The following SUPV3L1 variants were observed in gnomAD, a reference collection of about 807,000 sequenced individuals.
SUPV3L1 encodes ATP-dependent RNA helicase SUPV3L1, mitochondrial.
SUPV3L1 carries 35 observed loss-of-function variants against 70.0 expected under a neutral mutation model. The observed-to-expected ratio is 0.50, with a 90% CI of 0.38 to 0.66. SUPV3L1 has a LOEUF of 0.66. Ranked by LOEUF, SUPV3L1 falls within the 30% of genes least tolerant of loss-of-function variation. The pLI, the probability that SUPV3L1 is intolerant of heterozygous loss-of-function variation, is 0.00. For synonymous variants in SUPV3L1, 364 were observed against 341.9 expected (o/e 1.06, Z -0.71); for missense variants, 777 against 961.5 (o/e 0.81, Z 2.54).
In SUPV3L1 at chr10:69,208,720, G is replaced by T. The variant is rs373503660; in HGVS notation, c.2046G>T (p.Thr682=). The change falls in exon 15 of 15, where the codon ACG becomes ACT. Residue 682 remains threonine (T), a synonymous_variant. Coordinates refer to ENST00000359655, the MANE Select transcript of SUPV3L1 (RefSeq NM_003171.5). ...NITKLIKMSE[T]HKLLNLEGFP... The stretch of plus-strand genomic sequence containing the variant: ...CTAAATTGATTAAAATGTCTGAGAC[G>T]CATAAGCTGTTGAATTTGGAGGGCT... The T allele has an allele frequency of 9.3e-6, 15 of 1,614,022 alleles. No homozygotes were observed. The highest frequency in any genetic ancestry group is 1.3e-5 in the Non-Finnish European group (15 of 1,180,038).
rs771528232 is a variant in SUPV3L1 at position 69,208,874 on chromosome 10, G to C, written c.2200G>C (p.Ala734Pro). 1.9e-5 allele frequency: 31 copies of C among 1,613,974 alleles called. 1 individual carries two copies. The South Asian group carries it at 3.3e-4, about 17-fold the overall frequency. The change falls in exon 15 of 15, where the codon GCT becomes CCT. Residue 734 changes from alanine to proline, a missense_variant. Coordinates refer to ENST00000359655, the MANE Select transcript of SUPV3L1 (RefSeq NM_003171.5). ...CCCCGATGCAGGAGAGCTGTCCCTT[G>C]CTTCCAGATTGGTGCAGCAAGGACT... ...PSPDAGELSLASRLVQQGLLT... is the reference protein window; with the variant it reads ...PSPDAGELSLPSRLVQQGLLT...
intron 6 of SUPV3L1, chr10:69,192,055 C>T (rs1842412451): frequency 4.8e-6 from 1 of 209,338 alleles, no homozygotes; most frequent in East Asian, 1.1e-4. Flanking sequence ...GATCTGCCCA[C>T]CTCGGCCTCC....
At chr10:69,207,687 A>G in intron 13 of SUPV3L1, 106 bp from the exon 14 acceptor site, 2 of 1,350,712 alleles carry the variant, frequency 1.5e-6, no homozygotes, top group Non-Finnish European at 2.0e-6. Flanking sequence ...GTCTATTGAA[A>G]TACAACCACA....
intron 1 of SUPV3L1, among the ~76,000 whole-genome samples, chr10:69,181,999 C>CT (rs1261271922): frequency 1.3e-3 from 184 of 137,312 alleles, no homozygotes; most frequent in Non-Finnish European, 1.8e-3. Context: ...TTTTTCTTTA[C>CT]TTTTTTTTTT....
intron 6 of SUPV3L1, among the ~76,000 whole-genome samples, chr10:69,193,928 T>G (rs1170113911): frequency 1.3e-5 from 2 of 152,180 alleles, no homozygotes; most frequent in African/African-American, 4.8e-5. Flanking sequence ...GCCATAGCGA[T>G]GGATTTAAAA....
At chr10:69,203,092 G>C (rs1338235856) in intron 13 of SUPV3L1, 49 bp downstream of exon 13, 24 of 1,537,702 alleles carry the variant, frequency 1.6e-5, no homozygotes, top group Non-Finnish European at 2.1e-5. Context: ...GTTGATGCAG[G>C]TTCCCCAAAC....
intron 10 of SUPV3L1, 92 bp downstream of exon 10, chr10:69,199,289 A>G: frequency 1.1e-6 from 1 of 914,352 alleles, no homozygotes; most frequent in Non-Finnish European, 1.7e-6. Context: ...TAATGACCAA[A>G]CGCTATGATT....
intron 1 of SUPV3L1, among the ~76,000 whole-genome samples, chr10:69,185,276 G>T (rs1461713623): frequency 1.3e-5 from 2 of 152,094 alleles, no homozygotes; most frequent in Non-Finnish European, 2.9e-5. Context: ...CATCAGCGTG[G>T]CTTCCTTAAG....
intron 11 of SUPV3L1, 109 bp from the exon 12 acceptor site, chr10:69,202,330 T>C: frequency 1.3e-6 from 1 of 742,514 alleles, no homozygotes; most frequent in Non-Finnish European, 2.1e-6. Flanking sequence ...TTACTTCATA[T>C]GGTGAGAGCT....
At chr10:69,187,419 C>T in intron 3 of SUPV3L1, 1 of 193,710 alleles carries the variant, frequency 5.2e-6, no homozygotes, top group South Asian at 8.0e-5. Flanking sequence ...GGCTCAGTCT[C>T]AGCTCAGTGT....
Position 69,203,091 on chromosome 10 carries a change from G to C in SUPV3L1, c.1776+48G>C, listed in dbSNP as rs372033862. ...TTTTGAGTTCCTTCTGGTTGATGCA[G>C]GTTCCCCAAACAGTACTTTGTTATT... On this transcript the variant is annotated intron_variant, in intron 13 of 14. Coordinates refer to ENST00000359655, the MANE Select transcript of SUPV3L1 (RefSeq NM_003171.5). The C allele has an allele frequency of 2.3e-3, 3,493 of 1,539,352 alleles. 6 individuals carry two copies. The highest frequency in any genetic ancestry group is 2.9e-3 in the Non-Finnish European group (3,348 of 1,136,550).
chr10:69,188,891 G>T (rs965452430), intron 4 of SUPV3L1, among the ~76,000 whole-genome samples: 8 of 152,176 alleles, frequency 5.3e-5, no homozygotes, highest in Non-Finnish European at 7.3e-5. Context: ...GTGTATGTTG[G>T]AATTCAGGGG....
At chr10:69,183,587 G>A (rs1842129432) in intron 1 of SUPV3L1, among the ~76,000 whole-genome samples, 2 of 152,186 alleles carry the variant, frequency 1.3e-5, no homozygotes, top group African/African-American at 4.8e-5. Context: ...GCTGAGGTGG[G>A]AGGGTTGCTT....
intron 1 of SUPV3L1, among the ~76,000 whole-genome samples, chr10:69,184,282 A>G (rs1321551595): frequency 1.3e-5 from 2 of 152,012 alleles, no homozygotes; most frequent in Non-Finnish European, 2.9e-5. Flanking sequence ...TAATCCCAGC[A>G]CTTTGGGAGG....
At chr10:69,193,984 A>C (rs187700889) in intron 6 of SUPV3L1, among the ~76,000 whole-genome samples, 1 of 152,292 alleles carries the variant, frequency 6.6e-6, no homozygotes, top group East Asian at 1.9e-4. Context: ...TATTCCTTCC[A>C]CTTCACTTTC....
intron 1 of SUPV3L1, among the ~76,000 whole-genome samples, chr10:69,181,277 G>C (rs1448783050): frequency 6.6e-6 from 1 of 152,174 alleles, no homozygotes; most frequent in East Asian, 1.9e-4. Context: ...TGATTAGGGA[G>C]GTAAGGGAGT....
intron 13 of SUPV3L1, 145 bp downstream of exon 13, chr10:69,203,188 T>A: frequency 1.2e-6 from 1 of 800,786 alleles, no homozygotes; most frequent in Non-Finnish European, 1.9e-6. Context: ...GGGTTAATAG[T>A]AGCAACAGTG....
Position 69,199,216 on chromosome 10 carries a change from A to G in SUPV3L1, c.1298+19A>G, listed in dbSNP as rs753038595. 6.3e-7 allele frequency: 1 copy of G among 1,577,952 alleles called. No homozygotes were observed. Among genetic ancestry groups the G allele is most frequent in the Non-Finnish European group, 8.6e-7 (1 of 1,157,524 alleles). ...TTAATTTGTAAGTAATTTGTTTTTAATAAGATGAATATTTGGTGAGTTAAA... is the reference window on the plus strand; with the variant it reads ...TTAATTTGTAAGTAATTTGTTTTTAGTAAGATGAATATTTGGTGAGTTAAA... On this transcript the variant is annotated intron_variant, in intron 10 of 14. Coordinates refer to ENST00000359655, the MANE Select transcript of SUPV3L1 (RefSeq NM_003171.5).
At chr10:69,198,633 T>G (rs1842605975) in intron 9 of SUPV3L1, 81 bp downstream of exon 9, 1 of 1,380,622 alleles carries the variant, frequency 7.2e-7, no homozygotes, top group South Asian at 1.3e-5. Context: ...AAAAAAATGG[T>G]AAACAATATT....
Sources: gnomAD v4.1 joint callset for allele counts (sites outside exome capture counted in the v4.1 genomes callset) on GRCh38, gnomAD v4.1.1 for gene constraint, MANE v1.5 for transcripts, NCBI Gene and HGNC (gene_info 2026-07-23, HGNC 2026-07-21) for gene names.